SMOC1: variants seen among roughly 807,000 people sequenced by gnomAD.
SMOC1 encodes SPARC related modular calcium binding 1, also known as SPARC-related modular calcium-binding protein 1.
A neutral mutation model predicts 56.3 loss-of-function variants in SMOC1; 22 were observed. The observed-to-expected ratio is 0.39, with a 90% CI of 0.28 to 0.56. SMOC1 has a LOEUF of 0.56. Ranked by LOEUF, SMOC1 falls within the 20% of genes least tolerant of loss-of-function variation. The pLI is 0.61. For synonymous variants in SMOC1, 193 were observed against 215.0 expected, an observed-to-expected ratio of 0.90 and a Z score of 0.89; for missense variants, 509 against 565.4, an observed-to-expected ratio of 0.90 and a Z score of 1.01.
intron 1 of SMOC1, among the ~76,000 whole-genome samples, chr14:69,944,858 C>T (rs1882722743): frequency 6.6e-6 from 1 of 152,068 alleles, no homozygotes. Context: ...ACTATCTCAG[C>T]CATACTGGTA....
chr14:69,978,885 G>C (rs944134881), intron 5 of SMOC1, among the ~76,000 whole-genome samples: 1 of 152,126 alleles, frequency 6.6e-6, no homozygotes, highest in African/African-American at 2.4e-5. Flanking sequence ...GGAATATGCT[G>C]ACCATAGTTT....
intron 1 of SMOC1, among the ~76,000 whole-genome samples, chr14:69,926,723 G>A (rs539087937): frequency 1.3e-5 from 2 of 152,350 alleles, no homozygotes; most frequent in South Asian, 4.1e-4. Flanking sequence ...GATGAAGCTT[G>A]CTGGCTCCCT....
intron 8 of SMOC1, 59 bp downstream of exon 8, chr14:70,011,005 G>A (rs1885316501): frequency 1.9e-6 from 3 of 1,589,548 alleles, no homozygotes; most frequent in Non-Finnish European, 2.6e-6. Flanking sequence ...ATCCATGCTG[G>A]CATCTCCCAG....
chr14:70,017,311 C>A (rs1215520405), intron 10 of SMOC1, among the ~76,000 whole-genome samples: 5 of 152,190 alleles, frequency 3.3e-5, no homozygotes, highest in African/African-American at 1.2e-4. Context: ...TGCAGACAGA[C>A]CCTGGCCAGT....
chr14:69,987,463 C>T (rs1440720806), intron 5 of SMOC1, among the ~76,000 whole-genome samples: 2 of 152,102 alleles, frequency 1.3e-5, no homozygotes, highest in Non-Finnish European at 2.9e-5. Flanking sequence ...TTTTGAAGGA[C>T]CTGGAAGAGA....
chr14:69,904,765 T>A (rs994603739), intron 1 of SMOC1, among the ~76,000 whole-genome samples: 16 of 152,304 alleles, frequency 1.1e-4, no homozygotes, highest in African/African-American at 3.6e-4. Context: ...TGAAACTCGG[T>A]CTCATAGGTG....
intron 1 of SMOC1, among the ~76,000 whole-genome samples, chr14:69,924,434 AC>A (rs77087430): frequency 0.021 from 3,153 of 152,188 alleles, 55 homozygotes; most frequent in East Asian, 0.094. Context: ...ATCCTTCTTC[AC>A]ACAGCAGCTG....
chr14:69,930,827 C>G (rs1008623971), intron 1 of SMOC1, among the ~76,000 whole-genome samples: 1 of 152,202 alleles, frequency 6.6e-6, no homozygotes, highest in African/African-American at 2.4e-5. Flanking sequence ...GATTCCATTG[C>G]ATTTGCTGAA....
intron 1 of SMOC1, among the ~76,000 whole-genome samples, chr14:69,932,557 G>A (rs558856504): frequency 6.6e-6 from 1 of 152,332 alleles, no homozygotes; most frequent in Admixed American, 6.5e-5. Context: ...ATGCAGCATT[G>A]TTCATACAGG....
chr14:69,936,701 G>A (rs1885304283), intron 1 of SMOC1, among the ~76,000 whole-genome samples: 1 of 152,172 alleles, frequency 6.6e-6, no homozygotes, highest in African/African-American at 2.4e-5. Flanking sequence ...CAATCTGTTT[G>A]GATTCTGTGT....
At chr14:69,971,486 A>G (rs982094979) in intron 3 of SMOC1, among the ~76,000 whole-genome samples, 4 of 152,178 alleles carry the variant, frequency 2.6e-5, no homozygotes, top group African/African-American at 7.2e-5. Flanking sequence ...CACTGTTTGT[A>G]TCTGTACCTT....
At chr14:69,920,276 A>G (rs1884802530) in intron 1 of SMOC1, among the ~76,000 whole-genome samples, 1 of 152,204 alleles carries the variant, frequency 6.6e-6, no homozygotes, top group South Asian at 2.1e-4. Context: ...AGTGAACCCC[A>G]AAATGTGATC....
rs537032233 is a variant in SMOC1, at chr14:69,933,934, A to C, written c.100-18204A>C. On this transcript the variant is annotated intron_variant, in intron 1 of 11. Coordinates refer to ENST00000361956, the MANE Select transcript of SMOC1 (RefSeq NM_001034852.3). ...GAAACCATGGGATGCAGTTTAAAAA[A>C]CTGATTTAGTCAATAATAGAAGTAT... Among the ~76,000 whole-genome samples the C allele has an allele frequency of 1.1e-3, 167 of 152,338 alleles. 1 individual carries two copies. The South Asian group carries it at 0.034, about 31-fold the overall frequency.
At position 70,015,461 on chromosome 14, in the gene SMOC1, C is replaced by A. The variant is rs998131720; in HGVS notation, c.1046+1970C>A. On this transcript the variant is annotated intron_variant, in intron 10 of 11. Coordinates refer to ENST00000361956, the MANE Select transcript of SMOC1 (RefSeq NM_001034852.3). ...ACCACAATAAAATTAACAACAACAACAAAAAAAAAACGAAAGAAGAAAAAA... is the reference window on the plus strand; with the variant it reads ...ACCACAATAAAATTAACAACAACAAAAAAAAAAAAACGAAAGAAGAAAAAA... Among the ~76,000 whole-genome samples the A allele has an allele frequency of 4.0e-5, 6 of 150,464 alleles. 1 individual carries two copies. In the South Asian group the frequency reaches 6.4e-4, roughly 16 times the overall value.
At position 70,027,947 on chromosome 14, in the gene SMOC1, C is replaced by T. The variant is rs186011416; in HGVS notation, c.1292-2295C>T. ...TGTGGTCAATGGTGTGCAGGGGCTC[C>T]GGGAGCAGAGCCTATGCGTCGGTCA... On this transcript the variant is annotated intron_variant, in intron 11 of 11. Coordinates refer to ENST00000361956, the MANE Select transcript of SMOC1 (RefSeq NM_001034852.3). 3.2e-3 allele frequency among the ~76,000 whole-genome samples: 484 copies of T among 152,252 alleles called. 2 individuals are homozygous for T. The highest frequency in any genetic ancestry group is 0.011 in the African/African-American group (455 of 41,542).
chr14:69,941,020 G>A lies in SMOC1; in HGVS notation c.100-11118G>A, dbSNP rs1231985150. ...GGTTTGATGCCCTGTCGGTGATCAA[G>A]GAGGACTAAAACCTAAAGGGCATTT... is the stretch of plus-strand genomic sequence containing the variant. On this transcript the variant is annotated intron_variant, in intron 1 of 11. Transcript: ENST00000361956. 2.6e-5 allele frequency among the ~76,000 whole-genome samples: 4 copies of A among 152,282 alleles called. No homozygotes were observed. The East Asian group carries it at 7.7e-4, about 29-fold the overall frequency.
chr14:70,018,523 T>C (rs2139605321), intron 10 of SMOC1, among the ~76,000 whole-genome samples: 1 of 152,340 alleles, frequency 6.6e-6, no homozygotes, highest in Non-Finnish European at 1.5e-5. Context: ...GAATGTTTTC[T>C]GTGTGAGTGA....
In SMOC1 at chr14:70,031,254, T is replaced by C. The variant is rs1236402267; in HGVS notation, c.*996T>C. On this transcript the variant is annotated 3_prime_UTR_variant, in exon 12 of 12. Coordinates refer to ENST00000361956, the MANE Select transcript of SMOC1 (RefSeq NM_001034852.3). ...AGGGGACAGGACAGAAAGCCTGCAC[T>C]GAGGGGTGCGGTGCCAACAGGGAAA... 1 of 152,108 alleles carries C rather than the reference T, an allele frequency of 6.6e-6. No individual in the cohort carries two copies. The highest frequency in any genetic ancestry group is 1.5e-5 in the Non-Finnish European group (1 of 68,016). 9.4% of individuals were successfully genotyped at this position (152,108 alleles called of 1,614,324 possible). A position where few individuals can be genotyped will look rare whatever the true frequency, so the allele number is the denominator to read the frequency against.
intron 1 of SMOC1, among the ~76,000 whole-genome samples, chr14:69,906,217 A>T (rs1446131863): frequency 6.6e-6 from 1 of 152,214 alleles, no homozygotes; most frequent in Non-Finnish European, 1.5e-5. Context: ...CAATCTGGGA[A>T]ACTTTGACTC....
Sources: allele counts gnomAD v4.1 joint callset (sites outside exome capture counted in the v4.1 genomes callset), GRCh38; gene constraint gnomAD v4.1.1; transcripts MANE v1.5; gene names NCBI Gene and HGNC (gene_info 2026-07-23, HGNC 2026-07-21).